The following ITIH6 variants were observed in gnomAD, a reference collection of about 807,000 sequenced individuals.
ITIH6 encodes inter-alpha-trypsin inhibitor heavy chain family member 6.
Under a neutral mutation model 58.2 loss-of-function variants are expected in ITIH6, and 60 were observed. The observed-to-expected ratio is 1.03, with a 90% CI of 0.84 to 1.28. The LOEUF is 1.28. ITIH6 is among the 50% of genes most tolerant of loss of function. The pLI is 0.00. For synonymous variants in ITIH6, 493 were observed against 417.4 expected (o/e 1.18, Z -2.21); for missense variants, 1,290 against 1,021.1 (o/e 1.26, Z -3.59).
chrX:54,763,267 G>A (rs1339743228), intron 6 of ITIH6, among the ~76,000 whole-genome samples: 5 of 111,403 alleles, frequency 4.5e-5, no homozygotes, highest in African/African-American at 6.5e-5. Context: ...GGGATAGGTC[G>A]TATATTCTGG....
At chrX:54,752,657 C>T (rs1297125380) in intron 11 of ITIH6, among the ~76,000 whole-genome samples, 1 of 112,308 alleles carries the variant, frequency 8.9e-6, no homozygotes, top group Non-Finnish European at 1.9e-5. Flanking sequence ...AGTAAACTTT[C>T]AACTTGACAG....
At chrX:54,785,580 C>T (rs1030686430) in intron 5 of ITIH6, among the ~76,000 whole-genome samples, 36 of 111,397 alleles carry the variant, frequency 3.2e-4, no homozygotes, top group African/African-American at 1.1e-3. Flanking sequence ...CCTTCCCGGC[C>T]CATGAATGTC....
chrX:54,793,371 C>T (rs1329593297), intron 2 of ITIH6, among the ~76,000 whole-genome samples: 1 of 111,340 alleles, frequency 9.0e-6, no homozygotes, highest in Non-Finnish European at 1.9e-5. Flanking sequence ...TCCATAGACA[C>T]CTCAAGCTGA....
At position 54,788,669 on chromosome X, in the gene ITIH6, C is replaced by T. The variant is rs1458783490; in HGVS notation, c.617-20G>A. 8 of 1,155,053 alleles carry T rather than the reference C, an allele frequency of 6.9e-6. No homozygotes were observed. Among genetic ancestry groups the T allele is most frequent in the Admixed American group, 4.4e-5 (2 of 45,210 alleles). On this transcript the variant is annotated intron_variant, in intron 4 of 12. Coordinates refer to ENST00000218436, the MANE Select transcript of ITIH6 (RefSeq NM_198510.3). ...CCTCACCTGTATGGGTGGGGAGGAT[C>T]GGGGCGGGGTGGTACAGAGGACTCG...
intron 6 of ITIH6, among the ~76,000 whole-genome samples, chrX:54,760,774 T>C (rs778201699): frequency 9.0e-6 from 1 of 111,690 alleles, no homozygotes; most frequent in Non-Finnish European, 1.9e-5. Flanking sequence ...AACTCATCAT[T>C]TTTTATGGCT....
chrX:54,776,672 C>T (rs1929059296), intron 5 of ITIH6, among the ~76,000 whole-genome samples: 1 of 110,946 alleles, frequency 9.0e-6, no homozygotes, highest in Non-Finnish European at 1.9e-5. Flanking sequence ...ACTCCCAAAC[C>T]ACATTTCTAG....
chrX:54,749,910 G>T lies in ITIH6; in HGVS notation c.3927C>A (p.Leu1309=). ...HVELLLGHPY[L]SYVL Reference sequence around the variant, plus strand: ...TCAGAAGCCATCACAGGACATAGGAGAGGTAGGGGTGGCCCAGAAGCAGCT... The same window carrying T: ...TCAGAAGCCATCACAGGACATAGGATAGGTAGGGGTGGCCCAGAAGCAGCT... Residue 1309 remains leucine (L), a synonymous_variant, in exon 13 of 13, where the codon CTC becomes CTA. Transcript: ENST00000218436. 8.3e-7 allele frequency: 1 copy of T among 1,210,073 alleles called. No homozygotes were observed.
chrX:54,778,320 G>A (rs1176746590), intron 5 of ITIH6, among the ~76,000 whole-genome samples: 2 of 107,193 alleles, frequency 1.9e-5, no homozygotes, highest in Non-Finnish European at 3.8e-5. Context: ...TCAGCCTCCC[G>A]AGTAGCTGGG....
intron 5 of ITIH6, among the ~76,000 whole-genome samples, chrX:54,781,589 A>C (rs148440126): frequency 0.099 from 11,136 of 112,187 alleles, 1,339 homozygotes; most frequent in African/African-American, 0.34. Flanking sequence ...ACAACAGATG[A>C]AGGCAAGATT....
At chrX:54,750,980 C>A in intron 12 of ITIH6, 23 bp downstream of exon 12, 1 of 1,123,605 alleles carries the variant, frequency 8.9e-7, no homozygotes, top group South Asian at 2.2e-5. Context: ...TCCCTGGCCC[C>A]TCTCAGCCTC....
chrX:54,753,860 C>T (rs1928427759), intron 10 of ITIH6, 70 bp downstream of exon 10: 1 of 1,137,135 alleles, frequency 8.8e-7, no homozygotes, highest in Non-Finnish European at 1.2e-6. Flanking sequence ...TGTCTATTTC[C>T]CCAGCCCCAG....
chrX:54,751,409 C>T (rs1194883505), intron 11 of ITIH6, 29 bp from the exon 12 acceptor site: 6 of 1,196,573 alleles, frequency 5.0e-6, no homozygotes, highest in South Asian at 1.8e-5. Flanking sequence ...GGGCCTGGAG[C>T]GGGGGCTTTT....
intron 8 of ITIH6, among the ~76,000 whole-genome samples, chrX:54,756,373 C>T (rs773315058): frequency 3.6e-5 from 4 of 111,827 alleles, no homozygotes; most frequent in South Asian, 7.6e-4. Flanking sequence ...GCTTCATTCT[C>T]CTCACGTGTA....
intron 6 of ITIH6, among the ~76,000 whole-genome samples, chrX:54,771,561 T>C (rs1928951372): frequency 8.9e-6 from 1 of 111,769 alleles, no homozygotes; most frequent in Admixed American, 9.6e-5. Context: ...TTCATGTCTC[T>C]GCTTACATTA....
rs1928313177 is a variant in ITIH6, at chrX:54,749,785, T to G, written c.*110A>C. The G allele has an allele frequency of 3.6e-6, 2 of 549,608 alleles. No homozygotes were observed. Among genetic ancestry groups the G allele is most frequent in the African/African-American group, 4.7e-5 (2 of 42,413 alleles). The allele number at this position is 549,608 out of a possible 1,213,427, so 45.3% of individuals were successfully genotyped here. A position where few individuals can be genotyped will look rare whatever the true frequency, so the allele number is the denominator to read the frequency against. On this transcript the variant is annotated 3_prime_UTR_variant, in exon 13 of 13. Coordinates refer to ENST00000218436, the MANE Select transcript of ITIH6 (RefSeq NM_198510.3). ...TCCTTAGAACATGCGTGAGTCTGTG[T>G]GTCCCTGTGTGTGCTTCCATGTCCT...
At chrX:54,759,948 G>C in intron 6 of ITIH6, 21 bp from the exon 7 acceptor site, 1 of 1,173,206 alleles carries the variant, frequency 8.5e-7, no homozygotes, top group Non-Finnish European at 1.2e-6. Flanking sequence ...TGGATGAAAT[G>C]AAGAGAATGG....
Position 54,751,020 on chromosome X carries a change from G to A in ITIH6, c.3713C>T (p.Ser1238Leu), listed in dbSNP as rs1253499505. The A allele has an allele frequency of 8.6e-7, 1 of 1,166,336 alleles. No homozygotes were observed. Residue 1238 changes from serine (S) to leucine (L), a missense_variant, in exon 12 of 13, where the codon TCA becomes TTA. Transcript: ENST00000218436. ...YVANGSGLSP[S>L]ARGLIGQFQH... is the part of the protein sequence containing the mutation. ...GCACTTACCTATCAGGCCACGGGCT[G>A]AGGGGCTGAGGCCTGAGCCATTGGC...
intron 5 of ITIH6, among the ~76,000 whole-genome samples, chrX:54,785,228 G>A (rs1602065445): frequency 9.1e-6 from 1 of 109,679 alleles, no homozygotes; most frequent in Admixed American, 9.7e-5. Context: ...GGGGAGATGG[G>A]GGGTGGGGAA....
rs772496720 is a variant in ITIH6, at chrX:54,758,756, G to A, written c.1318C>T (p.Arg440Cys). Residue 440 changes from arginine (R) to cysteine (C), a missense_variant, in exon 8 of 13, where the codon CGC (arginine) becomes TGC (cysteine). Transcript: ENST00000218436. ...ATTCCCCGGTTTTCCAGGGACAGGC[G>A]GCGCAGCAGTGTAAAGTCAGCATCA... is the stretch of plus-strand genomic sequence containing the variant. ...GDDADFTLLRRLSLENRGIAR... is the reference protein window; with the variant it reads ...GDDADFTLLRCLSLENRGIAR... The A allele has an allele frequency of 7.4e-6, 9 of 1,208,483 alleles. No individual in the cohort carries two copies. The African/African-American group carries it at 1.1e-4, about 14-fold the overall frequency.
Sources: gnomAD v4.1 joint callset for allele counts (sites outside exome capture counted in the v4.1 genomes callset) on GRCh38, gnomAD v4.1.1 for gene constraint, MANE v1.5 for transcripts, NCBI Gene and HGNC (gene_info 2026-07-23, HGNC 2026-07-21) for gene names.